CPNE4: variants seen among roughly 807,000 people sequenced by gnomAD.
CPNE4 encodes the protein copine-4.
Under a neutral mutation model 67.9 loss-of-function variants are expected in CPNE4, and 25 were observed. The observed-to-expected ratio is 0.37, with a 90% CI of 0.27 to 0.51. CPNE4 has a LOEUF of 0.51. Ranked by LOEUF, CPNE4 falls within the 20% of genes least tolerant of loss-of-function variation. The probability of loss-of-function intolerance (pLI) is 0.93; values close to 1 mark genes in which losing one functional copy is unlikely to be tolerated. For synonymous variants in CPNE4, 242 were observed against 244.9 expected, an observed-to-expected ratio of 0.99 and a Z score of 0.11; for missense variants, 464 against 690.8, an observed-to-expected ratio of 0.67 and a Z score of 3.68.
At chr3:131,535,421 G>A (rs920396529) in intron 15 of CPNE4, 92 bp from the exon 16 acceptor site, 3 of 1,299,552 alleles carry the variant, frequency 2.3e-6, no homozygotes, top group Non-Finnish European at 3.1e-6. Context: ...GGGCAGCTAA[G>A]TTTCATTCAC....
Position 131,669,030 on chromosome 3 carries a change from C to T in CPNE4, c.681+645G>A, listed in dbSNP as rs115328378. 6.6e-3 allele frequency among the ~76,000 whole-genome samples: 1,003 copies of T among 152,072 alleles called. 3 individuals are homozygous for T. Among genetic ancestry groups the T allele is most frequent in the Middle Eastern group, 0.031 (9 of 294 alleles). On this transcript the variant is annotated intron_variant, in intron 7 of 15. Transcript: ENST00000429747. Reference sequence around the variant, plus strand: ...ACCTGTGTGAGTTCTGAGCCTAGGCCCTAAAGAGGTCTTATGGGGCTCTGT... The same window carrying T: ...ACCTGTGTGAGTTCTGAGCCTAGGCTCTAAAGAGGTCTTATGGGGCTCTGT...
intron 10 of CPNE4, among the ~76,000 whole-genome samples, chr3:131,571,368 A>G (rs1030264214): frequency 6.6e-6 from 1 of 151,824 alleles, no homozygotes; most frequent in East Asian, 1.9e-4. Flanking sequence ...AGCCACATAC[A>G]TGTAGCTCCT....
At chr3:131,650,701 C>T (rs1262788384) in intron 7 of CPNE4, among the ~76,000 whole-genome samples, 1 of 125,834 alleles carries the variant, frequency 7.9e-6, no homozygotes, top group Non-Finnish European at 1.5e-5. Context: ...GCCGAGATCG[C>T]GCCACTGCAC....
intron 7 of CPNE4, among the ~76,000 whole-genome samples, chr3:131,597,708 A>G (rs1418478445): frequency 5.3e-5 from 8 of 152,362 alleles, no homozygotes; most frequent in African/African-American, 1.9e-4. Context: ...CAGGTAAAGT[A>G]GAAATCTCTG....
intron 7 of CPNE4, among the ~76,000 whole-genome samples, chr3:131,634,588 C>T (rs995839): frequency 0.29 from 44,233 of 152,010 alleles, 9,973 homozygotes; most frequent in African/African-American, 0.63. Context: ...GAAATGAATA[C>T]TTTAGATTGG....
intron 2 of CPNE4, among the ~76,000 whole-genome samples, chr3:131,728,390 C>G (rs902727074): frequency 6.6e-6 from 1 of 152,162 alleles, no homozygotes; most frequent in African/African-American, 2.4e-5. Flanking sequence ...TGTAGTTAAG[C>G]TCCAGAACCT....
chr3:131,896,416 T>C (rs2088333690), intron 2 of CPNE4, among the ~76,000 whole-genome samples: 1 of 152,150 alleles, frequency 6.6e-6, no homozygotes, highest in African/African-American at 2.4e-5. Flanking sequence ...ACCAAACTAA[T>C]AGCACAAACC....
Position 131,869,371 on chromosome 3 carries a change from TATTA to T in CPNE4, c.180+35889_180+35892del, listed in dbSNP as rs539058573. Among the ~76,000 whole-genome samples, 716 of 152,300 alleles carry T rather than the reference TATTA, an allele frequency of 4.7e-3. 8 individuals carry two copies. Among genetic ancestry groups the T allele is most frequent in the African/African-American group, 0.015 (632 of 41,564 alleles). ...TAATATTTCAGGATTTTATTAGGAC[TATTA>T]ATTTTTTTCTCTTGTAGATAAAACT... On this transcript the variant is annotated intron_variant, in intron 2 of 15. Transcript: ENST00000429747.
chr3:131,674,162 T>A (rs184921925), intron 6 of CPNE4, among the ~76,000 whole-genome samples: 45 of 152,182 alleles, frequency 3.0e-4, no homozygotes, highest in African/African-American at 1.1e-3. Flanking sequence ...CTGGGATAAA[T>A]CCCTCTTGGT....
At chr3:131,747,187 T>A (rs60081434) in intron 2 of CPNE4, among the ~76,000 whole-genome samples, 3 of 151,746 alleles carry the variant, frequency 2.0e-5, no homozygotes, top group Non-Finnish European at 2.9e-5. Flanking sequence ...AAACCCCTTA[T>A]CAGATGTATA....
chr3:131,650,450 A>G (rs1482037791), intron 7 of CPNE4, among the ~76,000 whole-genome samples: 1 of 152,096 alleles, frequency 6.6e-6, no homozygotes, highest in African/African-American at 2.4e-5. Context: ...TTTTTTAACC[A>G]TAGCCTTTAA....
intron 6 of CPNE4, among the ~76,000 whole-genome samples, chr3:131,673,462 C>T (rs1357820312): frequency 6.6e-6 from 1 of 151,868 alleles, no homozygotes; most frequent in African/African-American, 2.4e-5. Context: ...TTTCTAATCC[C>T]TGAACATGGA....
chr3:131,792,660 C>CACGT (rs1553772223), intron 2 of CPNE4, among the ~76,000 whole-genome samples: 1 of 53,416 alleles, frequency 1.9e-5, no homozygotes, highest in African/African-American at 8.0e-5. Context: ...TATATACACA[C>CACGT]GTGTATATAT....
At chr3:131,840,904 C>A (rs574828157) in intron 2 of CPNE4, among the ~76,000 whole-genome samples, 2 of 152,294 alleles carry the variant, frequency 1.3e-5, no homozygotes, top group East Asian at 3.9e-4. Context: ...TTCCTTTTAA[C>A]CTTTCCTTCT....
chr3:131,591,668 C>G (rs925129048), intron 7 of CPNE4, among the ~76,000 whole-genome samples: 10 of 152,302 alleles, frequency 6.6e-5, no homozygotes, highest in Non-Finnish European at 1.5e-4. Flanking sequence ...GCTAGCATTC[C>G]TCATCAGGGC....
chr3:131,981,019 T>C (rs1046577750), intron 1 of CPNE4, among the ~76,000 whole-genome samples: 1 of 152,264 alleles, frequency 6.6e-6, no homozygotes, highest in Non-Finnish European at 1.5e-5. Context: ...CTGGGGGTTG[T>C]CTGCACAGAG....
chr3:131,992,269 T>C (rs2073189110), intron 1 of CPNE4, among the ~76,000 whole-genome samples: 1 of 136,830 alleles, frequency 7.3e-6, no homozygotes, highest in African/African-American at 2.5e-5. Flanking sequence ...AGCTGTACCC[T>C]GCAAAGCCAC....
chr3:131,825,203 A>G (rs1336812997), intron 2 of CPNE4, among the ~76,000 whole-genome samples: 2 of 152,012 alleles, frequency 1.3e-5, no homozygotes, highest in African/African-American at 2.4e-5. Flanking sequence ...AAATAAAAAA[A>G]GTGGTAATTT....
At chr3:131,815,762 T>C (rs943357610) in intron 2 of CPNE4, among the ~76,000 whole-genome samples, 1 of 152,150 alleles carries the variant, frequency 6.6e-6, no homozygotes, top group Admixed American at 6.5e-5. Flanking sequence ...CTTTTTATAC[T>C]GGGGAAAGGG....
Sources: gnomAD v4.1 joint callset for allele counts (sites outside exome capture counted in the v4.1 genomes callset) on GRCh38, gnomAD v4.1.1 for gene constraint, MANE v1.5 for transcripts, NCBI Gene and HGNC (gene_info 2026-07-23, HGNC 2026-07-21) for gene names.